Variants in BCL2L14 observed in about 807,000 individuals in gnomAD.
BCL2L14 encodes the protein BCL2 like 14.
In BCL2L14, 27 loss-of-function variants were observed where a neutral mutation model predicts 35.3. The ratio of observed to expected loss-of-function variants is 0.76; its 90% CI spans 0.56 to 1.05. BCL2L14 has a LOEUF of 1.05. BCL2L14 is among the 50% of genes least tolerant of loss of function. BCL2L14 has a pLI of 0.00. For synonymous variants in BCL2L14, 139 were observed against 145.9 expected, an observed-to-expected ratio of 0.95 and a Z score of 0.34; for missense variants, 377 against 382.6, an observed-to-expected ratio of 0.99 and a Z score of 0.12.
chr12:12,053,166 T>A (rs1591798447), intron 2 of BCL2L14, among the ~76,000 whole-genome samples: 2 of 152,190 alleles, frequency 1.3e-5, no homozygotes, highest in East Asian at 3.9e-4. Flanking sequence ...TCCTACTGAA[T>A]CCTCATAACA....
chr12:12,056,310 T>C (rs1383101633), intron 2 of BCL2L14, among the ~76,000 whole-genome samples: 1 of 152,224 alleles, frequency 6.6e-6, no homozygotes, highest in East Asian at 1.9e-4. Flanking sequence ...CTGTGGGCAC[T>C]ATTTGTATAC....
intron 3 of BCL2L14, 101 bp from the exon 4 acceptor site, chr12:12,090,678 C>T: frequency 1.3e-6 from 1 of 770,146 alleles, no homozygotes; most frequent in East Asian, 2.9e-5. Context: ...CATGCCTCTT[C>T]CTCCAGCCCT....
At position 12,072,710 on chromosome 12, in the gene BCL2L14, T is replaced by C. The variant is rs193121167; in HGVS notation, c.-8+1573T>C. Among the ~76,000 whole-genome samples, 543 of 152,304 alleles carry C rather than the reference T, an allele frequency of 3.6e-3. 7 individuals carry two copies. Among genetic ancestry groups the C allele is most frequent in the Non-Finnish European group, 5.1e-3 (349 of 68,024 alleles). On this transcript the variant is annotated intron_variant, in intron 1 of 5. Coordinates refer to ENST00000308721, the MANE Select transcript of BCL2L14 (RefSeq NM_138723.2). ...CCATAAACCCCAAAGTTGGGCTTCT[T>C]GTATAGAGTACAATTTCTGTAGGAA...
rs1380749305 is a variant in BCL2L14, at chr12:12,079,294, T to C, written c.-7-5T>C. ...AAGGGCACAGTGTGGACTTTGTTGTTACAGGCCCAACATGTGTAGCACCAG... is the reference window on the plus strand; with the variant it reads ...AAGGGCACAGTGTGGACTTTGTTGTCACAGGCCCAACATGTGTAGCACCAG... On this transcript the variant is annotated splice_polypyrimidine_tract_variant and splice_region_variant and intron_variant, in intron 1 of 5. Transcript: ENST00000308721. 1.6e-5 allele frequency: 26 copies of C among 1,608,886 alleles called. No individual in the cohort carries two copies. Among genetic ancestry groups the C allele is most frequent in the Non-Finnish European group, 2.1e-5 (25 of 1,177,354 alleles).
At chr12:12,092,271 A>G (rs1362065871) in intron 4 of BCL2L14, among the ~76,000 whole-genome samples, 1 of 152,204 alleles carries the variant, frequency 6.6e-6, no homozygotes, top group Non-Finnish European at 1.5e-5. Flanking sequence ...CACCCCCACA[A>G]ATTACCACTT....
At chr12:12,066,405 G>A (rs1948594505), upstream of BCL2L14, among the ~76,000 whole-genome samples, 1 of 152,102 alleles carries the variant, frequency 6.6e-6, no homozygotes. Flanking sequence ...GTCTTCTTTG[G>A]TTACTCAGTG....
chr12:12,065,707 G>A (rs1430485329), intron 2 of BCL2L14, among the ~76,000 whole-genome samples: 1 of 152,098 alleles, frequency 6.6e-6, no homozygotes, highest in Non-Finnish European at 1.5e-5. Flanking sequence ...GGCTGCTTAA[G>A]AGTCCAGAGT....
In BCL2L14 at chr12:12,071,032, G is replaced by C. The variant is rs545903483; in HGVS notation, c.-113G>C. 1 of 152,298 alleles carries C rather than the reference G, an allele frequency of 6.6e-6. No individual in the cohort carries two copies. The highest frequency in any genetic ancestry group is 6.5e-5 in the Admixed American group (1 of 15,286). The allele number at this position is 152,298 out of a possible 1,614,324, so 9.4% of individuals were successfully genotyped here. A position where few individuals can be genotyped will look rare whatever the true frequency, so the allele number is the denominator to read the frequency against. Reference sequence around the variant, plus strand: ...TCCAAACGACAAGCCAAGAAGACCTGTTGAAAGTTTCCTCTTAAGTTTCGT... The same window carrying C: ...TCCAAACGACAAGCCAAGAAGACCTCTTGAAAGTTTCCTCTTAAGTTTCGT... On this transcript the variant is annotated 5_prime_UTR_variant, in exon 1 of 6. Coordinates refer to ENST00000308721, the MANE Select transcript of BCL2L14 (RefSeq NM_138723.2).
At chr12:12,057,947 CTTTTTT>C (rs71057796) in intron 2 of BCL2L14, among the ~76,000 whole-genome samples, 1 of 139,736 alleles carries the variant, frequency 7.2e-6, no homozygotes, top group African/African-American at 2.8e-5. Flanking sequence ...GTGTGTTTGT[CTTTTTT>C]TTTTTTTTTT....
intron 5 of BCL2L14, among the ~76,000 whole-genome samples, chr12:12,096,638 T>C (rs953942449): frequency 6.6e-6 from 1 of 152,110 alleles, no homozygotes; most frequent in Non-Finnish European, 1.5e-5. Context: ...AAAAGACGCT[T>C]GTTTGACATC....
upstream of BCL2L14, among the ~76,000 whole-genome samples, chr12:12,066,279 A>G (rs1948593035): frequency 6.6e-6 from 1 of 152,138 alleles, no homozygotes; most frequent in Non-Finnish European, 1.5e-5. Flanking sequence ...TTATTGCTCC[A>G]TTCCAACTCT....
In BCL2L14 at chr12:12,084,552, G is replaced by C. The variant is rs148628622; in HGVS notation, c.434-2661G>C. On this transcript the variant is annotated intron_variant, in intron 2 of 5. Transcript: ENST00000308721. ...ACCCTGTTGGCCTGCTCTTCCTGGC[G>C]CCACGATGACCCCCAAAACAGACTC... Among the ~76,000 whole-genome samples, 315 of 152,116 alleles carry C rather than the reference G, an allele frequency of 2.1e-3. 4 individuals are homozygous for C. Among genetic ancestry groups the C allele is most frequent in the African/African-American group, 7.2e-3 (298 of 41,476 alleles).
chr12:12,096,215 G>T (rs945556739), intron 5 of BCL2L14: 75 of 914,436 alleles, frequency 8.2e-5, no homozygotes, highest in Non-Finnish European at 9.5e-5. Flanking sequence ...AAAAATCATT[G>T]TTAGTCCTCT....
At position 12,087,296 on chromosome 12, in the gene BCL2L14, G is replaced by A; in HGVS notation, c.517G>A (p.Gly173Arg). The A allele has an allele frequency of 6.2e-7, 1 of 1,614,210 alleles. No homozygotes were observed. Among genetic ancestry groups the A allele is most frequent in the Non-Finnish European group, 8.5e-7 (1 of 1,180,018 alleles). ...SWPPPQATQA[G>R]GFKSKEIFVT... is the part of the protein sequence containing the mutation. ...GCCACCACCACAAGCGACCCAGGCA[G>A]GAGGCTTCAAGTCCAAAGAGATTTT... The change falls in exon 3 of 6, where the codon GGA becomes AGA. Residue 173 changes from glycine (G) to arginine (R), a missense_variant. Gly to Arg is a moderately radical substitution (Grantham distance 125, BLOSUM62 -2). Coordinates refer to ENST00000308721, the MANE Select transcript of BCL2L14 (RefSeq NM_138723.2).
At chr12:12,075,507 C>G (rs760716509) in intron 1 of BCL2L14, among the ~76,000 whole-genome samples, 4 of 151,892 alleles carry the variant, frequency 2.6e-5, no homozygotes, top group African/African-American at 4.8e-5. Context: ...CTCACTGCAA[C>G]CTCCGCCTCC....
chr12:12,091,345 G>C (rs893652367), intron 4 of BCL2L14, among the ~76,000 whole-genome samples: 1 of 152,208 alleles, frequency 6.6e-6, no homozygotes, highest in African/African-American at 2.4e-5. Flanking sequence ...GTGTTACTGG[G>C]AGAATGTATG....
intron 1 of BCL2L14, 186 bp from the exon 2 acceptor site, chr12:12,079,113 G>T: frequency 3.3e-6 from 2 of 599,510 alleles, no homozygotes; most frequent in Non-Finnish European, 5.8e-6. Context: ...TCTTTATGTG[G>T]AGTTATCTAT....
At chr12:12,061,016 C>T (rs1252894228) in intron 2 of BCL2L14, among the ~76,000 whole-genome samples, 1 of 103,712 alleles carries the variant, frequency 9.6e-6, no homozygotes, top group Non-Finnish European at 1.9e-5. Context: ...CCCTTGCCTC[C>T]ATAACTGTTG....
chr12:12,094,863 T>G lies in BCL2L14; in HGVS notation c.878T>G (p.Val293Gly), dbSNP rs1261302374. The change falls in exon 5 of 6, where the codon GTC (valine) becomes GGC (glycine). Residue 293 changes from valine to glycine, a missense_variant. By Grantham distance (109) the Val-to-Gly change is moderately radical. Transcript: ENST00000308721. ...ATTGACAACCACCCGATGAACAGGGTCCTGGGCTTTGGCACCAAGTACCTG... is the reference window on the plus strand; with the variant it reads ...ATTGACAACCACCCGATGAACAGGGGCCTGGGCTTTGGCACCAAGTACCTG... ...TAIDNHPMNRVLGFGTKYLKE... is the reference protein window; with the variant it reads ...TAIDNHPMNRGLGFGTKYLKE... 5 of 1,614,118 alleles carry G rather than the reference T, an allele frequency of 3.1e-6. No individual in the cohort carries two copies. The South Asian group carries it at 4.4e-5, about 14-fold the overall frequency.
Sources: gnomAD v4.1 joint callset for allele counts (sites outside exome capture counted in the v4.1 genomes callset) on GRCh38, gnomAD v4.1.1 for gene constraint, MANE v1.5 for transcripts, NCBI Gene and HGNC (gene_info 2026-07-23, HGNC 2026-07-21) for gene names.